Variants in TENM4 observed in about 807,000 individuals in gnomAD.
TENM4 encodes teneurin transmembrane protein 4, also known as teneurin-4.
TENM4 carries 82 observed loss-of-function variants against 243.3 expected under a neutral mutation model. That is an observed-to-expected ratio of 0.34 (90% CI 0.28 to 0.40). The LOEUF is 0.40. TENM4 is among the 10% of genes least tolerant of loss of function. The probability of loss-of-function intolerance (pLI) is 1.00; values close to 1 mark genes in which losing one functional copy is unlikely to be tolerated. For missense variants in TENM4, 3,138 were observed against 3,673.3 expected (o/e 0.85, Z 3.77); for synonymous variants, 1,412 against 1,456.3 (o/e 0.97, Z 0.69).
chr11:78,930,821 T>C (rs1161380258), intron 6 of TENM4, among the ~76,000 whole-genome samples: 1 of 152,162 alleles, frequency 6.6e-6, no homozygotes, highest in African/African-American at 2.4e-5. Context: ...ACTGTGGCAA[T>C]GATTAAAACC....
chr11:79,382,532 C>T (rs530328213), intron 1 of TENM4, among the ~76,000 whole-genome samples: 39 of 152,284 alleles, frequency 2.6e-4, no homozygotes, highest in African/African-American at 6.5e-4. Context: ...GCCTCAGGAA[C>T]TCTACTGGCA....
intron 27 of TENM4, 126 bp from the exon 28 acceptor site, chr11:78,702,529 C>CA: frequency 7.9e-6 from 9 of 1,142,932 alleles, no homozygotes; most frequent in Non-Finnish European, 1.1e-5. Context: ...GATCCTCATG[C>CA]AGCCTATCAT....
chr11:79,163,438 G>T (rs1175989078), intron 3 of TENM4, among the ~76,000 whole-genome samples: 2 of 151,870 alleles, frequency 1.3e-5, no homozygotes, highest in Non-Finnish European at 2.9e-5. Flanking sequence ...GGGAACAGGT[G>T]GTTCTTGGTT....
At chr11:79,004,770 T>C (rs778090407) in intron 6 of TENM4, among the ~76,000 whole-genome samples, 4 of 151,662 alleles carry the variant, frequency 2.6e-5, no homozygotes, top group Non-Finnish European at 5.9e-5. Context: ...TGGAAGGAAA[T>C]TGAGATGCAA....
intron 9 of TENM4, among the ~76,000 whole-genome samples, chr11:78,864,483 C>T (rs985130893): frequency 7.5e-6 from 1 of 133,454 alleles, no homozygotes; most frequent in African/African-American, 2.8e-5. Context: ...TCCAAGGTAG[C>T]AACTGCTAAA....
At position 78,730,893 on chromosome 11, in the gene TENM4, C is replaced by G. The variant is rs551136054; in HGVS notation, c.3139-1250G>C. Among the ~76,000 whole-genome samples, 6 of 152,276 alleles carry G rather than the reference C, an allele frequency of 3.9e-5. No homozygotes were observed. The South Asian group carries it at 1.2e-3, about 32-fold the overall frequency. On this transcript the variant is annotated intron_variant, in intron 21 of 33. Coordinates refer to ENST00000278550, the MANE Select transcript of TENM4 (RefSeq NM_001098816.3). ...TAAACTACAGCTTATAAGTTTGAGG[C>G]AAAGCAGGACTTATACCCTGGTGAG...
chr11:78,714,734 A>T (rs1859484124), intron 25 of TENM4, among the ~76,000 whole-genome samples: 1 of 148,950 alleles, frequency 6.7e-6, no homozygotes, highest in Admixed American at 6.7e-5. Flanking sequence ...TCCCTGCAGC[A>T]TGCCTCAAGT....
intron 2 of TENM4, among the ~76,000 whole-genome samples, chr11:79,230,853 T>C (rs1864359821): frequency 6.6e-6 from 1 of 152,130 alleles, no homozygotes; most frequent in African/African-American, 2.4e-5. Flanking sequence ...AAGTGTGTAA[T>C]ACACACATAT....
At chr11:79,341,656 G>A (rs914166185) in intron 1 of TENM4, among the ~76,000 whole-genome samples, 6 of 152,218 alleles carry the variant, frequency 3.9e-5, no homozygotes, top group Non-Finnish European at 8.8e-5. Flanking sequence ...ACTGTAGAAT[G>A]AGCAGACCTC....
intron 4 of TENM4, among the ~76,000 whole-genome samples, chr11:79,117,565 G>A (rs1352907650): frequency 6.6e-6 from 1 of 152,166 alleles, no homozygotes; most frequent in Non-Finnish European, 1.5e-5. Context: ...TTCCCCTAAG[G>A]ATTCTGGGGA....
intron 1 of TENM4, among the ~76,000 whole-genome samples, chr11:79,315,219 C>CA (rs1226813265): frequency 6.6e-6 from 1 of 152,154 alleles, no homozygotes; most frequent in Non-Finnish European, 1.5e-5. Flanking sequence ...CAAACCAGGG[C>CA]ACTCAAGAGG....
intron 6 of TENM4, among the ~76,000 whole-genome samples, chr11:78,971,761 C>T (rs554684443): frequency 6.9e-4 from 104 of 151,710 alleles, no homozygotes; most frequent in Non-Finnish European, 1.3e-3. Flanking sequence ...TTTATCACAA[C>T]ATCATTTGTA....
chr11:79,111,435 C>T (rs1861504570), intron 4 of TENM4, among the ~76,000 whole-genome samples: 1 of 152,102 alleles, frequency 6.6e-6, no homozygotes, highest in Admixed American at 6.5e-5. Context: ...GTCTCAGCTA[C>T]TTGGGAGGCT....
intron 9 of TENM4, among the ~76,000 whole-genome samples, chr11:78,877,667 C>A (rs554829737): frequency 2.6e-5 from 4 of 152,246 alleles, no homozygotes; most frequent in African/African-American, 9.6e-5. Flanking sequence ...GGGCCTCCAA[C>A]CCCTAGGAGA....
At chr11:79,135,546 C>T (rs1280182239) in intron 4 of TENM4, among the ~76,000 whole-genome samples, 1 of 151,874 alleles carries the variant, frequency 6.6e-6, no homozygotes, top group Non-Finnish European at 1.5e-5. Flanking sequence ...AAGATACTTG[C>T]ACATGCATGT....
At chr11:79,153,412 G>C (rs1229038962) in intron 3 of TENM4, among the ~76,000 whole-genome samples, 1 of 152,144 alleles carries the variant, frequency 6.6e-6, no homozygotes, top group Non-Finnish European at 1.5e-5. Context: ...CAGAAATCCT[G>C]GGAAATTTTC....
At chr11:79,439,305 A>C (rs2135632633) in intron 1 of TENM4, 1 of 151,816 alleles carries the variant, frequency 6.6e-6, no homozygotes, top group Non-Finnish European at 1.5e-5. Flanking sequence ...CTGCATTTCT[A>C]TAAACCCTCT....
At chr11:79,262,785 A>G (rs779916180) in intron 2 of TENM4, among the ~76,000 whole-genome samples, 11 of 152,230 alleles carry the variant, frequency 7.2e-5, no homozygotes, top group Non-Finnish European at 1.2e-4. Flanking sequence ...AATATCTCTG[A>G]GTCTTTTAAG....
chr11:78,733,077 T>C (rs1590977009), intron 20 of TENM4, among the ~76,000 whole-genome samples: 1 of 152,226 alleles, frequency 6.6e-6, no homozygotes, highest in East Asian at 1.9e-4. Flanking sequence ...GGATTATTCT[T>C]AAGTCTCTAA....
Sources: allele counts gnomAD v4.1 joint callset (sites outside exome capture counted in the v4.1 genomes callset), GRCh38; gene constraint gnomAD v4.1.1; transcripts MANE v1.5; gene names NCBI Gene and HGNC (gene_info 2026-07-23, HGNC 2026-07-21).